Variants in FBXW8 observed in about 807,000 individuals in gnomAD.
FBXW8 encodes F-box/WD repeat-containing protein 8.
FBXW8 carries 57 observed loss-of-function variants against 65.3 expected under a neutral mutation model. The observed-to-expected ratio is 0.87, with a 90% CI of 0.71 to 1.09. FBXW8 has a LOEUF of 1.09. FBXW8 is among the 50% of genes least tolerant of loss of function. The pLI, the probability that FBXW8 is intolerant of heterozygous loss-of-function variation, is 0.00. For synonymous variants in FBXW8, 308 were observed against 330.2 expected (o/e 0.93, Z 0.73); for missense variants, 777 against 814.8 (o/e 0.95, Z 0.57).
chr12:116,969,900 C>T (rs895574928), intron 5 of FBXW8, among the ~76,000 whole-genome samples: 1 of 152,178 alleles, frequency 6.6e-6, no homozygotes, highest in Non-Finnish European at 1.5e-5. Context: ...CCTCATATTT[C>T]TTCTGCCTTG....
intron 4 of FBXW8, among the ~76,000 whole-genome samples, chr12:116,962,180 T>C (rs1427453326): frequency 1.3e-5 from 2 of 152,052 alleles, no homozygotes; most frequent in Non-Finnish European, 2.9e-5. Context: ...ACAGTGTGAG[T>C]GGACCAACCT....
intron 7 of FBXW8, chr12:117,002,541 A>G (rs1183768042): frequency 6.6e-6 from 1 of 152,212 alleles, no homozygotes; most frequent in African/African-American, 2.4e-5. Context: ...TCTGTTTGCC[A>G]ACAGAAAGTC....
intron 2 of FBXW8, among the ~76,000 whole-genome samples, chr12:116,932,171 A>G (rs1451301076): frequency 6.6e-6 from 1 of 152,118 alleles, no homozygotes; most frequent in East Asian, 1.9e-4. Context: ...TCGTAAGTTA[A>G]ATGGGTGTAT....
intron 7 of FBXW8, among the ~76,000 whole-genome samples, chr12:117,000,120 T>A (rs1390286253): frequency 5.9e-5 from 9 of 152,076 alleles, no homozygotes; most frequent in Admixed American, 5.9e-4. Flanking sequence ...TAGCTGGGAC[T>A]ACAGGCGCCC....
chr12:117,025,002 A>G (rs1459586121), intron 9 of FBXW8, among the ~76,000 whole-genome samples: 1 of 152,090 alleles, frequency 6.6e-6, no homozygotes, highest in Non-Finnish European at 1.5e-5. Flanking sequence ...TGGTTAAGAC[A>G]TTTCCAGTGA....
intron 4 of FBXW8, among the ~76,000 whole-genome samples, chr12:116,952,638 G>T (rs1054831911): frequency 6.6e-6 from 1 of 152,026 alleles, no homozygotes; most frequent in Non-Finnish European, 1.5e-5. Context: ...AACATTTTTT[G>T]TTTTATATTA....
At chr12:116,985,761 T>C (rs1329460074) in intron 6 of FBXW8, 1 of 188,686 alleles carries the variant, frequency 5.3e-6, no homozygotes, top group Non-Finnish European at 1.1e-5. Flanking sequence ...CAGTTTGACC[T>C]AATATATAAG....
At chr12:116,995,187 G>C (rs764516697) in intron 7 of FBXW8, among the ~76,000 whole-genome samples, 2 of 152,214 alleles carry the variant, frequency 1.3e-5, no homozygotes, top group African/African-American at 4.8e-5. Context: ...GGCCAGTGTC[G>C]TGGTGGCAAG....
chr12:116,939,003 G>A (rs1882369680), intron 2 of FBXW8, among the ~76,000 whole-genome samples: 1 of 152,182 alleles, frequency 6.6e-6, no homozygotes. Context: ...CTGTGGGCCT[G>A]AGTGCCCAGT....
chr12:116,913,337 G>T (rs1282325674), intron 1 of FBXW8, among the ~76,000 whole-genome samples: 7 of 152,184 alleles, frequency 4.6e-5, no homozygotes, highest in Admixed American at 3.9e-4. Context: ...AACCTGGGGG[G>T]TTAGGAGAAC....
At chr12:116,991,991 C>T (rs1343449994) in intron 7 of FBXW8, among the ~76,000 whole-genome samples, 1 of 152,152 alleles carries the variant, frequency 6.6e-6, no homozygotes, top group Non-Finnish European at 1.5e-5. Context: ...GGCTAGCCAA[C>T]CCATTGTGTA....
intron 7 of FBXW8, among the ~76,000 whole-genome samples, chr12:117,003,429 G>T (rs189512752): frequency 1.3e-5 from 2 of 152,292 alleles, no homozygotes; most frequent in Admixed American, 1.3e-4. Context: ...GCATTTGACT[G>T]GTTGGAATAA....
intron 4 of FBXW8, among the ~76,000 whole-genome samples, chr12:116,954,309 G>GTTAGA (rs1883500272): frequency 6.6e-6 from 1 of 151,986 alleles, no homozygotes; most frequent in African/African-American, 2.4e-5. Flanking sequence ...TGTAGCCTTT[G>GTTAGA]TTAGATTTGT....
In FBXW8 at chr12:116,961,990, C is replaced by T. The variant is rs1433084025; in HGVS notation, c.678-2707C>T. Among the ~76,000 whole-genome samples, 2 of 152,126 alleles carry T rather than the reference C, an allele frequency of 1.3e-5. No homozygotes were observed. Among genetic ancestry groups the T allele is most frequent in the African/African-American group, 2.4e-5 (1 of 41,404 alleles). ...TTCTCTGGGAATGAGCAGAACAGAA[C>T]AAGCTTGGCACCTGAGCATCTATAG... On this transcript the variant is annotated intron_variant, in intron 4 of 10. Coordinates refer to ENST00000652555, the MANE Select transcript of FBXW8 (RefSeq NM_153348.3). The surrounding 1 kb of genome is among the most constrained non-coding windows in gnomAD (Gnocchi z 4.4).
intron 7 of FBXW8, among the ~76,000 whole-genome samples, chr12:116,997,262 G>A (rs1319387426): frequency 6.6e-6 from 1 of 152,128 alleles, no homozygotes; most frequent in Non-Finnish European, 1.5e-5. Flanking sequence ...GGGTTATTCT[G>A]TGAAAAGTGT....
At chr12:116,947,954 G>GCATAGGC in intron 3 of FBXW8, among the ~76,000 whole-genome samples, 1 of 152,140 alleles carries the variant, frequency 6.6e-6, no homozygotes, top group South Asian at 2.1e-4. Flanking sequence ...CTGTAGGAGA[G>GCATAGGC]CATAGGCCTC....
chr12:116,987,974 C>T (rs1427648878), intron 6 of FBXW8, among the ~76,000 whole-genome samples: 1 of 152,166 alleles, frequency 6.6e-6, no homozygotes, highest in Non-Finnish European at 1.5e-5. Context: ...TTGCTTTACC[C>T]GCTAAGCTTA....
intron 1 of FBXW8, among the ~76,000 whole-genome samples, chr12:116,916,906 G>GTT (rs1880464020): frequency 1.1e-5 from 1 of 92,450 alleles, no homozygotes; most frequent in Admixed American, 1.5e-4. Flanking sequence ...GTGTGTGTGT[G>GTT]TGTGTGAGAG....
intron 2 of FBXW8, among the ~76,000 whole-genome samples, chr12:116,929,533 A>G (rs1881604542): frequency 9.2e-6 from 1 of 108,312 alleles, no homozygotes; most frequent in African/African-American, 3.1e-5. Context: ...CTGGGCCTGG[A>G]CTGATTTTTC....
Sources: allele counts gnomAD v4.1 joint callset (sites outside exome capture counted in the v4.1 genomes callset), GRCh38; gene constraint gnomAD v4.1.1; non-coding constraint Gnocchi (gnomAD v3.1); transcripts MANE v1.5; gene names NCBI Gene and HGNC (gene_info 2026-07-23, HGNC 2026-07-21).